Variants in PCDHGB5 observed in about 807,000 individuals in gnomAD.
PCDHGB5 encodes the protein protocadherin gamma-B5.
Under a neutral mutation model 62.9 loss-of-function variants are expected in PCDHGB5, and 48 were observed. The observed-to-expected ratio is 0.76, with a 90% CI of 0.61 to 0.97. PCDHGB5 has a LOEUF of 0.97. PCDHGB5 is among the 50% of genes least tolerant of loss of function. PCDHGB5 has a pLI of 0.00. For synonymous variants in PCDHGB5, 474 were observed against 511.2 expected (o/e 0.93, Z 0.98); for missense variants, 1,118 against 1,198.6 (o/e 0.93, Z 0.99).
chr5:141,495,939 G>A (rs1408330065), intron 2 of PCDHGB5, among the ~76,000 whole-genome samples: 1 of 151,994 alleles, frequency 6.6e-6, no homozygotes, highest in Non-Finnish European at 1.5e-5. Context: ...TCTGGTCTCT[G>A]TGCCTGTTGT....
chr5:141,419,579 C>G (rs759041306), intron 1 of PCDHGB5: 11 of 1,611,812 alleles, frequency 6.8e-6, no homozygotes, highest in Non-Finnish European at 9.3e-6. Flanking sequence ...CGGCTCCGCG[C>G]TCTTCGACAC....
chr5:141,439,652 T>G (rs1047430832), intron 1 of PCDHGB5, among the ~76,000 whole-genome samples: 1 of 152,208 alleles, frequency 6.6e-6, no homozygotes, highest in African/African-American at 2.4e-5. Context: ...GTGGCTTTTC[T>G]AATTTCATGG....
chr5:141,477,573 C>T lies in PCDHGB5; in HGVS notation c.2398-17234C>T, dbSNP rs1593790046. The T allele has an allele frequency of 6.2e-7, 1 of 1,614,056 alleles. No individual in the cohort carries two copies. Among genetic ancestry groups the T allele is most frequent in the South Asian group, 1.1e-5 (1 of 91,086 alleles). ...AACCTAAGTGTCTGGGACCCCGACGCCCCGCAGAATGCTCGGCTTTCTTTC... is the reference window on the plus strand; with the variant it reads ...AACCTAAGTGTCTGGGACCCCGACGTCCCGCAGAATGCTCGGCTTTCTTTC... On this transcript the variant is annotated intron_variant, in intron 1 of 3. Coordinates refer to ENST00000617380, the MANE Select transcript of PCDHGB5 (RefSeq NM_018925.3). This position sits in a 1 kb window ranked among gnomAD's most constrained non-coding sequence, Gnocchi z 4.9.
intron 1 of PCDHGB5, chr5:141,422,992 G>A: frequency 6.2e-7 from 1 of 1,614,238 alleles, no homozygotes; most frequent in Non-Finnish European, 8.5e-7. Flanking sequence ...TGGCTACCTG[G>A]TGACCAAGGT....
chr5:141,441,825 C>A, intron 1 of PCDHGB5: 1 of 357,252 alleles, frequency 2.8e-6, no homozygotes, highest in Non-Finnish European at 5.5e-6. Flanking sequence ...CTCTGGAGCG[C>A]AATGGCTTCG....
chr5:141,480,225 G>A (rs1217912404), intron 1 of PCDHGB5, among the ~76,000 whole-genome samples: 1 of 147,152 alleles, frequency 6.8e-6, no homozygotes, highest in East Asian at 2.0e-4. Flanking sequence ...GCGACATAGT[G>A]AGATCCTGTC....
intron 1 of PCDHGB5, chr5:141,414,982 G>A (rs1415279007): frequency 3.7e-6 from 6 of 1,613,712 alleles, no homozygotes; most frequent in Admixed American, 1.7e-5. Flanking sequence ...CAGAGACTCC[G>A]GCCAGAACGC....
chr5:141,469,517 G>A (rs1416478511), intron 1 of PCDHGB5, among the ~76,000 whole-genome samples: 1 of 152,198 alleles, frequency 6.6e-6, no homozygotes, highest in Non-Finnish European at 1.5e-5. Flanking sequence ...GGAGGTTGCA[G>A]TGAGCCAAGA....
chr5:141,486,673 A>G lies in PCDHGB5; in HGVS notation c.2398-8134A>G. On this transcript the variant is annotated intron_variant, in intron 1 of 3. Transcript: ENST00000617380. The surrounding 1 kb of genome is among the most constrained non-coding windows in gnomAD (Gnocchi z 5.0). ...ACTCACTCCTGGAGCCCAGGAATCG[A>G]GATGTATCAGCTTCCTCTTTCATCT... The G allele has an allele frequency of 6.2e-7, 1 of 1,614,014 alleles. No homozygotes were observed. The highest frequency in any genetic ancestry group is 2.2e-5 in the East Asian group (1 of 44,866).
intron 2 of PCDHGB5, among the ~76,000 whole-genome samples, chr5:141,504,443 A>C (rs1043353401): frequency 2.0e-5 from 3 of 152,070 alleles, no homozygotes; most frequent in African/African-American, 4.8e-5. Context: ...CAGTGTGACT[A>C]GTGCCATGTG....
intron 1 of PCDHGB5, among the ~76,000 whole-genome samples, chr5:141,467,109 A>G (rs1431550069): frequency 2.0e-5 from 3 of 150,594 alleles, no homozygotes; most frequent in African/African-American, 4.9e-5. Context: ...CTGGAGTACA[A>G]TGGTGCAATC....
intron 1 of PCDHGB5, chr5:141,427,369 C>T (rs1333238163): frequency 4.4e-6 from 2 of 457,834 alleles, no homozygotes; most frequent in Non-Finnish European, 8.8e-6. Flanking sequence ...GAACCCTGGA[C>T]GGTGATCACT....
chr5:141,409,412 C>A, intron 1 of PCDHGB5: 1 of 1,614,032 alleles, frequency 6.2e-7, no homozygotes, highest in Non-Finnish European at 8.5e-7. Flanking sequence ...CTACTACAAA[C>A]TGGTGACAGA....
Position 141,399,510 on chromosome 5 carries a change from C to T in PCDHGB5, c.1383C>T (p.Asn461=). The T allele has an allele frequency of 6.2e-7, 1 of 1,614,040 alleles. No homozygotes were observed. Among genetic ancestry groups the T allele is most frequent in the Non-Finnish European group, 8.5e-7 (1 of 1,179,902 alleles). The change falls in exon 1 of 4, where the codon AAC becomes AAT. Residue 461 remains asparagine, a synonymous_variant. Coordinates refer to ENST00000617380, the MANE Select transcript of PCDHGB5 (RefSeq NM_018925.3). ...ASYLVSVPEN[N]PPGASIAQVC... Reference sequence around the variant, plus strand: ...ACTTAGTCAGTGTACCCGAAAACAACCCTCCTGGGGCCTCCATCGCGCAAG... The same window carrying T: ...ACTTAGTCAGTGTACCCGAAAACAATCCTCCTGGGGCCTCCATCGCGCAAG...
rs2099412065 is a variant in PCDHGB5, at chr5:141,477,502, C to T, written c.2398-17305C>T. On this transcript the variant is annotated intron_variant, in intron 1 of 3. Coordinates refer to ENST00000617380, the MANE Select transcript of PCDHGB5 (RefSeq NM_018925.3). This position sits in a 1 kb window ranked among gnomAD's most constrained non-coding sequence, Gnocchi z 4.9. ...CTCCACAATCTTCTCAATCTTCCTACGACGTTTACATTGAAGAAAACAACC... is the reference window on the plus strand; with the variant it reads ...CTCCACAATCTTCTCAATCTTCCTATGACGTTTACATTGAAGAAAACAACC... 2 of 1,614,144 alleles carry T rather than the reference C, an allele frequency of 1.2e-6. No homozygotes were observed. Among genetic ancestry groups the T allele is most frequent in the Non-Finnish European group, 1.7e-6 (2 of 1,180,018 alleles).
chr5:141,456,178 A>G (rs1216202318), intron 1 of PCDHGB5, among the ~76,000 whole-genome samples: 1 of 151,926 alleles, frequency 6.6e-6, no homozygotes, highest in African/African-American at 2.4e-5. Context: ...ATTACAGAAT[A>G]ATTTCTTAAT....
At position 141,399,915 on chromosome 5, in the gene PCDHGB5, C is replaced by T; in HGVS notation, c.1788C>T (p.His596=). The part of the protein sequence containing the change: ...KVVAVDADSG[H]NAWLSYHVLQ... ...TGGCCGTGGACGCAGACTCAGGACA[C>T]AACGCCTGGCTGTCCTACCACGTGC... Residue 596 remains histidine (H), a synonymous_variant, in exon 1 of 4, where the codon CAC becomes CAT. Transcript: ENST00000617380. The T allele has an allele frequency of 6.2e-7, 1 of 1,612,364 alleles. No individual in the cohort carries two copies. The highest frequency in any genetic ancestry group is 8.5e-7 in the Non-Finnish European group (1 of 1,179,738).
At chr5:141,418,572 A>AC (rs752316020) in intron 1 of PCDHGB5, 2 of 1,613,794 alleles carry the variant, frequency 1.2e-6, no homozygotes, top group African/African-American at 1.3e-5. Context: ...GCCAATGACA[A>AC]CCCCCCAGTG....
At chr5:141,405,491 C>T (rs1399017717) in intron 1 of PCDHGB5, 1 of 858,762 alleles carries the variant, frequency 1.2e-6, no homozygotes, top group East Asian at 2.7e-5. Flanking sequence ...GTGATCTCGG[C>T]TCATTGCAAC....
Sources: gnomAD v4.1 joint callset for allele counts (sites outside exome capture counted in the v4.1 genomes callset) on GRCh38, gnomAD v4.1.1 for gene constraint, Gnocchi (gnomAD v3.1) non-coding constraint, MANE v1.5 for transcripts, NCBI Gene and HGNC (gene_info 2026-07-23, HGNC 2026-07-21) for gene names.